LINGO2: variants seen among roughly 807,000 people sequenced by gnomAD.
The protein encoded by LINGO2 is leucine-rich repeat and immunoglobulin-like domain-containing nogo receptor-interacting protein 2.
In LINGO2, 14 loss-of-function variants were observed where a neutral mutation model predicts 30.6. That is an observed-to-expected ratio of 0.46 (90% CI 0.30 to 0.72). The LOEUF is 0.72. Among genes scored for constraint, LINGO2 ranks in the 30% least tolerant of loss-of-function variants. The probability of loss-of-function intolerance (pLI) is 0.07; values close to 1 mark genes in which losing one functional copy is unlikely to be tolerated. For synonymous variants in LINGO2, 317 were observed against 288.5 expected (o/e 1.10, Z -1.00); for missense variants, 729 against 751.7 (o/e 0.97, Z 0.35).
chr9:29,134,983 G>T, the LINGO2 span, among the ~76,000 whole-genome samples: 11 of 151,748 alleles, frequency 7.2e-5, no homozygotes, highest in African/African-American at 2.2e-4. Context: ...ATTCTAATCT[G>T]TCTGTGTTTG....
At chr9:28,243,691 T>G (rs1266582393) in intron 4 of LINGO2, among the ~76,000 whole-genome samples, 2 of 151,648 alleles carry the variant, frequency 1.3e-5, no homozygotes, top group African/African-American at 2.4e-5. Context: ...AAAACAGACT[T>G]TAAACCAAAA....
chr9:28,228,166 C>T (rs1284593036), intron 4 of LINGO2, among the ~76,000 whole-genome samples: 1 of 151,814 alleles, frequency 6.6e-6, no homozygotes, highest in East Asian at 1.9e-4. Context: ...TGAGGAGTTC[C>T]TACCTTTTAT....
At chr9:28,283,263 T>C (rs1320923669) in intron 4 of LINGO2, among the ~76,000 whole-genome samples, 1 of 152,228 alleles carries the variant, frequency 6.6e-6, no homozygotes, top group Non-Finnish European at 1.5e-5. Context: ...CCAAGAATTA[T>C]ACACGAAGTG....
intron 4 of LINGO2, among the ~76,000 whole-genome samples, chr9:28,032,264 T>C (rs951624260): frequency 5.3e-5 from 8 of 152,084 alleles, no homozygotes; most frequent in South Asian, 2.1e-4. Flanking sequence ...TTTCTCTTGG[T>C]ACTTGGTTTG....
intron 1 of LINGO2, among the ~76,000 whole-genome samples, chr9:28,577,889 A>C (rs1824068815): frequency 6.6e-6 from 1 of 152,184 alleles, no homozygotes; most frequent in Non-Finnish European, 1.5e-5. Flanking sequence ...TTCACCCAGC[A>C]GCTATGGGAA....
At chr9:29,049,551 T>C in the LINGO2 span, among the ~76,000 whole-genome samples, 1 of 152,168 alleles carries the variant, frequency 6.6e-6, no homozygotes, top group Non-Finnish European at 1.5e-5. Context: ...GCAACCTAAG[T>C]GTCCATCAAC....
At chr9:28,650,317 C>G (rs1233633385) in intron 1 of LINGO2, among the ~76,000 whole-genome samples, 1 of 152,110 alleles carries the variant, frequency 6.6e-6, no homozygotes. Flanking sequence ...GCTTGTGAAC[C>G]TATCATTCAG....
the LINGO2 span, among the ~76,000 whole-genome samples, chr9:29,213,230 T>C: frequency 6.6e-6 from 1 of 152,178 alleles, no homozygotes; most frequent in Non-Finnish European, 1.5e-5. Flanking sequence ...GTCAATTCCC[T>C]GGCATCAGGC....
intron 1 of LINGO2, among the ~76,000 whole-genome samples, chr9:28,514,108 C>T (rs761870723): frequency 1.3e-4 from 20 of 152,240 alleles, no homozygotes; most frequent in Non-Finnish European, 2.4e-4. Flanking sequence ...AGAAATTATG[C>T]CCATATAAGA....
intron 1 of LINGO2, among the ~76,000 whole-genome samples, chr9:28,637,388 T>C (rs573196972): frequency 1.3e-5 from 2 of 152,318 alleles, no homozygotes; most frequent in Admixed American, 1.3e-4. Context: ...GGGGATGGCA[T>C]TGAATCTATA....
chr9:28,865,549 G>A, the LINGO2 span, among the ~76,000 whole-genome samples: 2 of 152,104 alleles, frequency 1.3e-5, no homozygotes, highest in African/African-American at 2.4e-5. Context: ...TTGAGAGGCC[G>A]AGGCGGGAGG....
chr9:28,093,200 G>A (rs1454925847), intron 4 of LINGO2, among the ~76,000 whole-genome samples: 1 of 152,052 alleles, frequency 6.6e-6, no homozygotes, highest in Non-Finnish European at 1.5e-5. Flanking sequence ...CTAAGAGAAA[G>A]AAATGTAAGA....
chr9:28,638,310 T>G (rs376736214), intron 1 of LINGO2, among the ~76,000 whole-genome samples: 2 of 152,128 alleles, frequency 1.3e-5, no homozygotes, highest in Admixed American at 1.3e-4. Context: ...TCACGCTTTG[T>G]TATCAGGATG....
chr9:29,052,444 G>A, the LINGO2 span, among the ~76,000 whole-genome samples: 54,500 of 151,896 alleles, frequency 0.36, 9,867 homozygotes, highest in East Asian at 0.48. Flanking sequence ...CCAAGGGCAG[G>A]AGAGTAGTGG....
intron 1 of LINGO2, among the ~76,000 whole-genome samples, chr9:28,534,338 G>C (rs2135438193): frequency 6.6e-6 from 1 of 152,182 alleles, no homozygotes; most frequent in East Asian, 1.9e-4. Flanking sequence ...TGTTCTTTTG[G>C]ATCCTTAGAT....
At chr9:29,157,323 T>C in the LINGO2 span, among the ~76,000 whole-genome samples, 1 of 152,208 alleles carries the variant, frequency 6.6e-6, no homozygotes, top group Non-Finnish European at 1.5e-5. Context: ...ATAAAAACAC[T>C]GTTCTGTATA....
the LINGO2 span, among the ~76,000 whole-genome samples, chr9:28,987,578 G>C: frequency 2.0e-5 from 3 of 151,868 alleles, no homozygotes; most frequent in African/African-American, 7.2e-5. Context: ...TCTTCCTGCT[G>C]ACTTTGGACT....
chr9:29,006,741 A>C, the LINGO2 span, among the ~76,000 whole-genome samples: 11 of 152,058 alleles, frequency 7.2e-5, no homozygotes, highest in African/African-American at 2.4e-4. Flanking sequence ...TAAGCATAGT[A>C]CAGTCGTATC....
At chr9:29,112,329 C>G in the LINGO2 span, among the ~76,000 whole-genome samples, 1 of 152,080 alleles carries the variant, frequency 6.6e-6, no homozygotes, top group Non-Finnish European at 1.5e-5. Flanking sequence ...TGGGCTCCAG[C>G]TAAGACCTGC....
Sources: gnomAD v4.1 joint callset for allele counts (sites outside exome capture counted in the v4.1 genomes callset) on GRCh38, gnomAD v4.1.1 for gene constraint, MANE v1.5 for transcripts, NCBI Gene and HGNC (gene_info 2026-07-23, HGNC 2026-07-21) for gene names.